The following ARHGAP32 variants were observed in gnomAD, a reference collection of about 807,000 sequenced individuals.
ARHGAP32 encodes the protein Rho GTPase activating protein 32, also known as rho GTPase-activating protein 32.
Under a neutral mutation model 186.5 loss-of-function variants are expected in ARHGAP32, and 51 were observed. That is an observed-to-expected ratio of 0.27 (90% CI 0.22 to 0.35). The LOEUF is 0.35. Ranked by LOEUF, ARHGAP32 falls within the 10% of genes least tolerant of loss-of-function variation. ARHGAP32 has a pLI of 1.00. For missense variants in ARHGAP32, 2,186 were observed against 2,623.5 expected (o/e 0.83, Z 3.64); for synonymous variants, 950 against 964.3 (o/e 0.99, Z 0.27).
chr11:129,174,682 T>A (rs940979708), intron 1 of ARHGAP32, among the ~76,000 whole-genome samples: 3 of 152,082 alleles, frequency 2.0e-5, no homozygotes, highest in Admixed American at 6.6e-5. Context: ...GCAGGGGCAG[T>A]CTGACACCTC....
At position 128,988,484 on chromosome 11, in the gene ARHGAP32, T is replaced by C. The variant is rs569870428; in HGVS notation, c.1196-359A>G. Among the ~76,000 whole-genome samples the C allele has an allele frequency of 5.6e-4, 86 of 152,312 alleles. 1 individual carries two copies. Among genetic ancestry groups the C allele is most frequent in the African/African-American group, 1.9e-3 (79 of 41,578 alleles). On this transcript the variant is annotated intron_variant, in intron 12 of 22. Coordinates refer to ENST00000682385, the MANE Select transcript of ARHGAP32 (RefSeq NM_001378024.1). ...TTTAGTCCTAACACCATGCCAGATT[T>C]TTAAGAAATACAGCTGTTCAGCTGA...
rs1226825546 is a variant in ARHGAP32 at position 128,966,398 on chromosome 11, T to C, written c.*2509A>G. The C allele has an allele frequency of 6.6e-6, 1 of 152,160 alleles. No homozygotes were observed. The highest frequency in any genetic ancestry group is 2.4e-5 in the African/African-American group (1 of 41,418). 9.4% of individuals were successfully genotyped at this position (152,160 alleles called of 1,614,324 possible). A position where few individuals can be genotyped will look rare whatever the true frequency, so the allele number is the denominator to read the frequency against. On this transcript the variant is annotated 3_prime_UTR_variant, in exon 23 of 23. Transcript: ENST00000682385. ...GCCATCCGGTTTCCACCCCACAACATTAGAAAGGGAAAGATGCCGGAAAAG... is the reference window on the plus strand; with the variant it reads ...GCCATCCGGTTTCCACCCCACAACACTAGAAAGGGAAAGATGCCGGAAAAG...
intron 1 of ARHGAP32, among the ~76,000 whole-genome samples, chr11:129,252,202 C>T (rs890781204): frequency 1.8e-4 from 28 of 152,098 alleles, no homozygotes; most frequent in African/African-American, 6.5e-4. Context: ...TGGTTTATTT[C>T]CAATTTTACA....
chr11:128,979,481 A>G (rs888619199), intron 18 of ARHGAP32, among the ~76,000 whole-genome samples: 2 of 152,218 alleles, frequency 1.3e-5, no homozygotes, highest in African/African-American at 4.8e-5. Flanking sequence ...TTAACATTAT[A>G]AAACTATTAA....
chr11:129,041,102 T>A, intron 10 of ARHGAP32, 93 bp from the exon 11 acceptor site: 1 of 751,734 alleles, frequency 1.3e-6, no homozygotes, highest in Non-Finnish European at 2.2e-6. Flanking sequence ...TATTCTACAG[T>A]CCCTCCCAAA....
chr11:128,987,987 TAAG>T (rs57177179), intron 13 of ARHGAP32, 33 bp downstream of exon 13: 471,588 of 1,361,686 alleles, frequency 0.35, 83,750 homozygotes, highest in Non-Finnish European at 0.36. Context: ...TTTAATTAGT[TAAG>T]AAGGAGTGAA....
intron 1 of ARHGAP32, among the ~76,000 whole-genome samples, chr11:129,181,144 G>A (rs185898824): frequency 2.4e-3 from 371 of 152,094 alleles, no homozygotes; most frequent in African/African-American, 8.4e-3. Context: ...CTATTCTTCC[G>A]ATCGGTTTTT....
At chr11:129,189,056 C>A (rs947217143) in intron 1 of ARHGAP32, among the ~76,000 whole-genome samples, 1 of 152,146 alleles carries the variant, frequency 6.6e-6, no homozygotes. Flanking sequence ...GTGTTCATTA[C>A]TTCATTTTTA....
intron 11 of ARHGAP32, among the ~76,000 whole-genome samples, chr11:129,039,844 C>A (rs1939516909): frequency 2.0e-5 from 3 of 152,084 alleles, no homozygotes; most frequent in African/African-American, 4.8e-5. Context: ...AAAGTTTACC[C>A]AAGAAGGATA....
chr11:129,159,479 T>A (rs922694568), intron 2 of ARHGAP32, among the ~76,000 whole-genome samples: 1 of 152,022 alleles, frequency 6.6e-6, no homozygotes, highest in Non-Finnish European at 1.5e-5. Flanking sequence ...CCTGGACACA[T>A]ACACCTTCCC....
At chr11:128,985,179 C>T (rs998748873) in intron 15 of ARHGAP32, among the ~76,000 whole-genome samples, 18 of 152,042 alleles carry the variant, frequency 1.2e-4, no homozygotes, top group African/African-American at 4.1e-4. Context: ...CTACCATGCC[C>T]GGCTAATTTT....
intron 18 of ARHGAP32, among the ~76,000 whole-genome samples, chr11:128,979,991 A>G (rs1202294419): frequency 3.9e-5 from 6 of 152,224 alleles, no homozygotes; most frequent in Non-Finnish European, 8.8e-5. Context: ...TCACCTGGAA[A>G]GTTAGATGAA....
At chr11:129,087,277 C>A (rs182031405) in intron 6 of ARHGAP32, among the ~76,000 whole-genome samples, 1 of 152,334 alleles carries the variant, frequency 6.6e-6, no homozygotes, top group East Asian at 1.9e-4. Context: ...TATGTCCACA[C>A]AGAAACCTGC....
intron 6 of ARHGAP32, among the ~76,000 whole-genome samples, chr11:129,088,885 G>A (rs1004215196): frequency 1.3e-5 from 2 of 149,718 alleles, no homozygotes; most frequent in African/African-American, 4.9e-5. Context: ...CAAAAAGTAC[G>A]AAATTAGCCA....
intron 6 of ARHGAP32, among the ~76,000 whole-genome samples, chr11:129,075,840 G>A (rs116463009): frequency 2.0e-5 from 3 of 152,272 alleles, no homozygotes; most frequent in African/African-American, 7.2e-5. Flanking sequence ...GAACCAGAAG[G>A]ACTCCATCTT....
At chr11:129,186,294 G>A (rs1321808688) in intron 1 of ARHGAP32, among the ~76,000 whole-genome samples, 1 of 152,090 alleles carries the variant, frequency 6.6e-6, no homozygotes, top group Non-Finnish European at 1.5e-5. Flanking sequence ...ATACAAGAAA[G>A]GCCCACCTTG....
At chr11:129,161,286 A>C (rs949567354) in intron 2 of ARHGAP32, among the ~76,000 whole-genome samples, 1 of 152,154 alleles carries the variant, frequency 6.6e-6, no homozygotes, top group Non-Finnish European at 1.5e-5. Flanking sequence ...ATAGCAAAAA[A>C]AAAGCCAAAA....
chr11:128,982,000 C>T, intron 15 of ARHGAP32, 64 bp from the exon 16 acceptor site: 2 of 1,032,240 alleles, frequency 1.9e-6, no homozygotes, highest in Non-Finnish European at 2.8e-6. Context: ...AACATAAAAG[C>T]CTGCTAATTA....
intron 1 of ARHGAP32, among the ~76,000 whole-genome samples, chr11:129,273,183 T>C (rs769116642): frequency 1.1e-4 from 16 of 152,206 alleles, no homozygotes; most frequent in Non-Finnish European, 2.1e-4. Context: ...TTTCATAAAA[T>C]AGTTTGTCTC....
Sources: gnomAD v4.1 joint callset for allele counts (sites outside exome capture counted in the v4.1 genomes callset) on GRCh38, gnomAD v4.1.1 for gene constraint, MANE v1.5 for transcripts, NCBI Gene and HGNC (gene_info 2026-07-23, HGNC 2026-07-21) for gene names.